MSI2: variants seen among roughly 807,000 people sequenced by gnomAD.
MSI2 encodes RNA-binding protein Musashi homolog 2.
Under a neutral mutation model 45.6 loss-of-function variants are expected in MSI2, and 17 were observed. The observed-to-expected ratio is 0.37, with a 90% confidence interval of 0.26 to 0.56. MSI2 has a LOEUF of 0.56. Ranked by LOEUF, MSI2 falls within the 20% of genes least tolerant of loss-of-function variation. The pLI is 0.77. For missense variants in MSI2, 293 were observed against 444.2 expected (o/e 0.66, Z 3.06); for synonymous variants, 156 against 158.2 (o/e 0.99, Z 0.11).
intron 6 of MSI2, among the ~76,000 whole-genome samples, chr17:57,410,948 G>A (rs779061847): frequency 6.6e-6 from 1 of 152,098 alleles, no homozygotes. Flanking sequence ...AGTTTGCAAG[G>A]GAGCTTGCAG....
chr17:57,651,219 C>T (rs1444873421), intron 10 of MSI2, among the ~76,000 whole-genome samples: 1 of 152,124 alleles, frequency 6.6e-6, no homozygotes, highest in East Asian at 1.9e-4. Context: ...GACTATTATT[C>T]CCGTTGCTGG....
At chr17:57,267,105 AT>A (rs1484162252) in intron 5 of MSI2, 1 of 152,274 alleles carries the variant, frequency 6.6e-6, no homozygotes, top group African/African-American at 2.4e-5. Flanking sequence ...GGGTCGGGTC[AT>A]TCTAGCATCT....
chr17:57,257,634 G>T, intron 3 of MSI2, 87 bp downstream of exon 3: 1 of 947,476 alleles, frequency 1.1e-6, no homozygotes, highest in East Asian at 2.5e-5. Context: ...GTAGCTAAGC[G>T]GATTAGAATG....
At chr17:57,544,442 T>C (rs956557509) in intron 7 of MSI2, among the ~76,000 whole-genome samples, 3 of 152,146 alleles carry the variant, frequency 2.0e-5, no homozygotes, top group Non-Finnish European at 4.4e-5. Flanking sequence ...TCCCCTCTTT[T>C]CTTTTCTTTA....
chr17:57,597,466 T>TAAAAAAAAAAAAAAAA lies in MSI2; in HGVS notation c.537+525_537+540dup, dbSNP rs35606406. Reference sequence around the variant, plus strand: ...GGAAACATAGCCAGACCTCATCTCTTAAAAAAAAAAAAAAAAAAAAAAAAT... The same window carrying TAAAAAAAAAAAAAAAA: ...GGAAACATAGCCAGACCTCATCTCTTAAAAAAAAAAAAAAAAAAAAAAAAAAAAAAAAAAAAAAAAT... On this transcript the variant is annotated intron_variant, in intron 8 of 13. Transcript: ENST00000284073. Among the ~76,000 whole-genome samples the TAAAAAAAAAAAAAAAA allele has an allele frequency of 5.5e-4, 48 of 87,108 alleles. 2 individuals carry two copies. The highest frequency in any genetic ancestry group is 8.5e-4 in the Non-Finnish European group (41 of 48,328). 57.1% of individuals were successfully genotyped at this position (87,108 alleles called of 152,430 possible). A position where few individuals can be genotyped will look rare whatever the true frequency, so the allele number is the denominator to read the frequency against.
intron 5 of MSI2, among the ~76,000 whole-genome samples, chr17:57,374,404 AT>A (rs1209508298): frequency 6.6e-6 from 1 of 152,046 alleles, no homozygotes. Flanking sequence ...CTTCCTCAAT[AT>A]TTTTTTCCTG....
chr17:57,633,939 A>G (rs1909628925), intron 10 of MSI2, among the ~76,000 whole-genome samples: 1 of 152,178 alleles, frequency 6.6e-6, no homozygotes, highest in African/African-American at 2.4e-5. Context: ...CAGGATTCCT[A>G]CGTGAAGCTA....
chr17:57,581,032 A>ATTTTTTT (rs2088191965), intron 7 of MSI2, among the ~76,000 whole-genome samples: 1 of 10,650 alleles, frequency 9.4e-5, no homozygotes, highest in African/African-American at 4.1e-4. Context: ...TTTTTTTTTG[A>ATTTTTTT]GACACAGTCT....
chr17:57,289,472 G>A (rs1257919024), intron 5 of MSI2, among the ~76,000 whole-genome samples: 1 of 125,854 alleles, frequency 7.9e-6, no homozygotes, highest in Admixed American at 9.2e-5. Context: ...ATTTTTATTT[G>A]AAATGAATTC....
At chr17:57,450,320 A>AGAGAGAGAGAG in intron 6 of MSI2, 1 of 142,480 alleles carries the variant, frequency 7.0e-6, no homozygotes, top group African/African-American at 2.5e-5. Context: ...AGAAAGAAAG[A>AGAGAGAGAGAG]AAACCTTTGT....
intron 6 of MSI2, among the ~76,000 whole-genome samples, chr17:57,432,425 G>A (rs924595866): frequency 6.6e-6 from 1 of 152,214 alleles, no homozygotes; most frequent in African/African-American, 2.4e-5. Context: ...CAGCATTGGG[G>A]TTGGGTTTTT....
chr17:57,472,792 T>C (rs1467429210), intron 6 of MSI2, among the ~76,000 whole-genome samples: 1 of 152,232 alleles, frequency 6.6e-6, no homozygotes, highest in Non-Finnish European at 1.5e-5. Flanking sequence ...CACACGGAGC[T>C]ACCTTCTACC....
chr17:57,327,502 T>G (rs528051491), intron 5 of MSI2, among the ~76,000 whole-genome samples: 1 of 152,356 alleles, frequency 6.6e-6, no homozygotes, highest in African/African-American at 2.4e-5. Flanking sequence ...GCTGACCATG[T>G]GATTTGTGAA....
intron 6 of MSI2, among the ~76,000 whole-genome samples, chr17:57,452,795 C>G (rs540935571): frequency 6.6e-6 from 1 of 152,222 alleles, no homozygotes; most frequent in Non-Finnish European, 1.5e-5. Flanking sequence ...TCTTACCAGC[C>G]CATGAGGGTG....
At chr17:57,601,297 C>T (rs915611844) in intron 8 of MSI2, 3 of 152,296 alleles carry the variant, frequency 2.0e-5, no homozygotes, top group Non-Finnish European at 2.9e-5. Context: ...CTGACTGCCA[C>T]CCAAGCTCAG....
At chr17:57,506,476 C>T (rs761416943) in intron 6 of MSI2, among the ~76,000 whole-genome samples, 3 of 152,182 alleles carry the variant, frequency 2.0e-5, no homozygotes, top group African/African-American at 7.2e-5. Flanking sequence ...GGATAAACAT[C>T]GCTTCTTTCT....
chr17:57,447,232 G>T (rs1329731650), intron 6 of MSI2, among the ~76,000 whole-genome samples: 3 of 152,126 alleles, frequency 2.0e-5, no homozygotes, highest in Non-Finnish European at 2.9e-5. Flanking sequence ...GGCTATAGGT[G>T]TGTGCTGCCA....
intron 6 of MSI2, among the ~76,000 whole-genome samples, chr17:57,435,835 G>A (rs564372477): frequency 1.3e-5 from 2 of 152,242 alleles, no homozygotes; most frequent in South Asian, 2.1e-4. Context: ...AGGGGTAGGG[G>A]GTAAGCCCAT....
the MSI2 span, among the ~76,000 whole-genome samples, chr17:57,698,586 G>A: frequency 1.3e-5 from 2 of 152,290 alleles, no homozygotes; most frequent in African/African-American, 2.4e-5. Context: ...GAAGTGCAGG[G>A]TGCGCCTTCC....
Sources: gnomAD v4.1 joint callset for allele counts (sites outside exome capture counted in the v4.1 genomes callset) on GRCh38, gnomAD v4.1.1 for gene constraint, MANE v1.5 for transcripts, NCBI Gene and HGNC (gene_info 2026-07-23, HGNC 2026-07-21) for gene names.